DTNBP1: variants seen among roughly 807,000 people sequenced by gnomAD.
DTNBP1 encodes dystrobrevin binding protein 1, also known as dysbindin.
DTNBP1 carries 35 observed loss-of-function variants against 42.8 expected under a neutral mutation model. That is an observed-to-expected ratio of 0.82 (90% CI 0.63 to 1.09). The LOEUF is 1.09. DTNBP1 is among the 50% of genes least tolerant of loss of function. DTNBP1 has a pLI of 0.00. For missense variants in DTNBP1, 457 were observed against 424.2 expected (o/e 1.08, Z -0.68); for synonymous variants, 171 against 162.2 (o/e 1.05, Z -0.41).
chr6:15,597,744 G>A (rs1776572132), intron 6 of DTNBP1, among the ~76,000 whole-genome samples: 3 of 152,198 alleles, frequency 2.0e-5, no homozygotes, highest in African/African-American at 7.2e-5. Context: ...CGTGCCCAGA[G>A]TTGGACCCAA....
At chr6:15,555,431 G>A (rs2113443369) in intron 7 of DTNBP1, among the ~76,000 whole-genome samples, 1 of 152,190 alleles carries the variant, frequency 6.6e-6, no homozygotes, top group African/African-American at 2.4e-5. Context: ...GAAGTCAGCA[G>A]GACTGTTATC....
At chr6:15,613,626 A>C (rs1250667493) in intron 6 of DTNBP1, among the ~76,000 whole-genome samples, 1 of 152,028 alleles carries the variant, frequency 6.6e-6, no homozygotes, top group Non-Finnish European at 1.5e-5. Context: ...TTGGCCTCCC[A>C]AAATGCTAGG....
intron 5 of DTNBP1, among the ~76,000 whole-genome samples, chr6:15,617,150 C>T (rs977787965): frequency 2.6e-5 from 4 of 152,028 alleles, no homozygotes; most frequent in African/African-American, 9.7e-5. Context: ...TTGCTTGAGC[C>T]TAGGAGTTTC....
At position 15,662,832 on chromosome 6, in the gene DTNBP1, T is replaced by C; in HGVS notation, c.38A>G (p.Gln13Arg). 1 of 1,610,972 alleles carries C rather than the reference T, an allele frequency of 6.2e-7. No homozygotes were observed. The highest frequency in any genetic ancestry group is 8.5e-7 in the Non-Finnish European group (1 of 1,179,540). ...ETLRERLLSV[Q>R]QDFTSGLKTL... ...TACCCACCCGGAGGTGAAATCCTGC[T>C]GCACGCTCAGCAGCCGCTCGCGAAG... Residue 13 changes from glutamine (Q) to arginine (R), a missense_variant, in exon 1 of 10, where the codon CAG (glutamine) becomes CGG (arginine). By Grantham distance (43) the Gln-to-Arg change is conservative. Coordinates refer to ENST00000344537, the MANE Select transcript of DTNBP1 (RefSeq NM_032122.5).
intron 7 of DTNBP1, among the ~76,000 whole-genome samples, chr6:15,559,785 G>A (rs533470838): frequency 6.6e-6 from 1 of 152,282 alleles, no homozygotes; most frequent in Admixed American, 6.5e-5. Context: ...TTGGGCTACA[G>A]AGTTTTGCCT....
chr6:15,637,506 T>C (rs1415011407), intron 4 of DTNBP1, among the ~76,000 whole-genome samples: 3 of 152,204 alleles, frequency 2.0e-5, no homozygotes, highest in Admixed American at 6.5e-5. Context: ...AACAAGTATT[T>C]ACCTGTCCTT....
intron 7 of DTNBP1, among the ~76,000 whole-genome samples, chr6:15,549,279 G>T (rs2113402738): frequency 6.6e-6 from 1 of 152,238 alleles, no homozygotes; most frequent in East Asian, 1.9e-4. Flanking sequence ...AAGGTCAGCA[G>T]TTCGAGACCA....
intron 9 of DTNBP1, chr6:15,523,454 A>C: frequency 7.7e-7 from 1 of 1,296,568 alleles, no homozygotes; most frequent in South Asian, 1.5e-5. Context: ...GCCACATGTG[A>C]CACAGATCAA....
intron 1 of DTNBP1, among the ~76,000 whole-genome samples, chr6:15,654,921 C>T (rs1562016559): frequency 6.6e-6 from 1 of 152,152 alleles, no homozygotes; most frequent in Non-Finnish European, 1.5e-5. Flanking sequence ...ATGACATCAG[C>T]ACTGCATTTA....
chr6:15,526,866 A>G (rs1389816895), intron 8 of DTNBP1, among the ~76,000 whole-genome samples: 6 of 152,228 alleles, frequency 3.9e-5, no homozygotes, highest in Admixed American at 3.3e-4. Flanking sequence ...CTTTCAGGAA[A>G]ATTCTGTAGC....
At chr6:15,526,926 G>T (rs1037053699) in intron 8 of DTNBP1, among the ~76,000 whole-genome samples, 2 of 152,140 alleles carry the variant, frequency 1.3e-5, no homozygotes, top group African/African-American at 4.8e-5. Flanking sequence ...AAATGTCAAT[G>T]AGCCAAACTT....
intron 5 of DTNBP1, among the ~76,000 whole-genome samples, chr6:15,626,950 C>T (rs888513334): frequency 6.6e-5 from 10 of 152,322 alleles, no homozygotes; most frequent in Admixed American, 4.6e-4. Flanking sequence ...AAATACACTA[C>T]AAGACATGAA....
chr6:15,571,464 C>T (rs1775337348), intron 7 of DTNBP1, among the ~76,000 whole-genome samples: 1 of 152,178 alleles, frequency 6.6e-6, no homozygotes, highest in African/African-American at 2.4e-5. Context: ...CCTTCTGTTC[C>T]TCTCTCCCGC....
At chr6:15,649,061 T>C (rs969898724) in intron 3 of DTNBP1, among the ~76,000 whole-genome samples, 37 of 152,008 alleles carry the variant, frequency 2.4e-4, no homozygotes, top group Non-Finnish European at 4.7e-4. Flanking sequence ...ACAATACTGA[T>C]GGGAAAGTAA....
At chr6:15,576,187 C>T (rs1433389925) in intron 7 of DTNBP1, among the ~76,000 whole-genome samples, 5 of 151,684 alleles carry the variant, frequency 3.3e-5, no homozygotes, top group African/African-American at 7.3e-5. Context: ...GGCACTATCT[C>T]GGCTCACTGC....
rs191411280 is a variant in DTNBP1, at chr6:15,635,311, G to A, written c.222+2433C>T. ...TTTTTGTATTTTTAATAGAGATGGG[G>A]TTTCACCATGTTGGCCAGGCTGGTC... On this transcript the variant is annotated intron_variant, in intron 4 of 9. Transcript: ENST00000344537. 2.2e-4 allele frequency among the ~76,000 whole-genome samples: 33 copies of A among 152,140 alleles called. 1 individual carries two copies. The highest frequency in any genetic ancestry group is 6.8e-3 in the Middle Eastern group (2 of 294).
chr6:15,653,474 C>T lies in DTNBP1; in HGVS notation c.57-1334G>A, dbSNP rs561117305. 8.5e-5 allele frequency among the ~76,000 whole-genome samples: 13 copies of T among 152,328 alleles called. No homozygotes were observed. The South Asian group carries it at 1.7e-3, about 19-fold the overall frequency. On this transcript the variant is annotated intron_variant, in intron 1 of 9. Coordinates refer to ENST00000344537, the MANE Select transcript of DTNBP1 (RefSeq NM_032122.5). Reference sequence around the variant, plus strand: ...TATTTAATTCTAGCAGTCTCCTCCCCTCTACTTGCTGCTTTTAAATTATTG... The same window carrying T: ...TATTTAATTCTAGCAGTCTCCTCCCTTCTACTTGCTGCTTTTAAATTATTG...
At chr6:15,531,703 A>G (rs1056108072) in intron 8 of DTNBP1, among the ~76,000 whole-genome samples, 5 of 152,190 alleles carry the variant, frequency 3.3e-5, no homozygotes, top group Admixed American at 2.6e-4. Flanking sequence ...GCGCGATCTC[A>G]GCTCACTGCA....
At chr6:15,616,999 G>C (rs1044573732) in intron 5 of DTNBP1, among the ~76,000 whole-genome samples, 1 of 152,120 alleles carries the variant, frequency 6.6e-6, no homozygotes, top group Non-Finnish European at 1.5e-5. Flanking sequence ...CAGGGGGGAA[G>C]AAATCAAGAA....
Sources: gnomAD v4.1 joint callset for allele counts (sites outside exome capture counted in the v4.1 genomes callset) on GRCh38, gnomAD v4.1.1 for gene constraint, MANE v1.5 for transcripts, NCBI Gene and HGNC (gene_info 2026-07-23, HGNC 2026-07-21) for gene names.